Variants in TUBG1 observed in about 807,000 individuals in gnomAD.
TUBG1 encodes the protein tubulin gamma 1, also known as tubulin gamma-1 chain.
TUBG1 carries 22 observed loss-of-function variants against 53.3 expected under a neutral mutation model. The ratio of observed to expected loss-of-function variants is 0.41; its 90% confidence interval spans 0.29 to 0.59. TUBG1 has a LOEUF of 0.59. TUBG1 is among the 20% of genes least tolerant of loss of function. The pLI is 0.26. For missense variants in TUBG1, 217 were observed against 598.9 expected, an observed-to-expected ratio of 0.36 and a Z score of 6.66; for synonymous variants, 198 against 236.7, an observed-to-expected ratio of 0.84 and a Z score of 1.50.
chr17:42,610,084 C>T (rs771155637), intron 1 of TUBG1, 24 bp from the exon 2 acceptor site: 4 of 1,613,656 alleles, frequency 2.5e-6, no homozygotes, highest in African/African-American at 2.7e-5. Flanking sequence ...TCTTCTTTCT[C>T]CCCTGCCCGC....
At chr17:42,610,699 A>T in intron 3 of TUBG1, 109 bp downstream of exon 3, 4 of 1,516,044 alleles carry the variant, frequency 2.6e-6, no homozygotes, top group Non-Finnish European at 3.6e-6. Context: ...TGCTGGAGGG[A>T]GAGACCTGGC....
In TUBG1 at chr17:42,614,464, G is replaced by A; in HGVS notation, c.997-32G>A. 1.2e-6 allele frequency: 2 copies of A among 1,614,120 alleles called. No homozygotes were observed. Among genetic ancestry groups the A allele is most frequent in the Non-Finnish European group, 1.7e-6 (2 of 1,179,974 alleles). ...CCTGGACCTGCAGGGGTAGAGGAGA[G>A]GCCACCTCCACTGCTCCTATGCCCA... On this transcript the variant is annotated intron_variant, in intron 9 of 10. Coordinates refer to ENST00000251413, the MANE Select transcript of TUBG1 (RefSeq NM_001070.5). This position sits in a 1 kb window ranked among gnomAD's most constrained non-coding sequence, Gnocchi z 5.1.
At position 42,615,154 on chromosome 17, in the gene TUBG1, A is replaced by C; in HGVS notation, c.*113A>C. 2 of 970,850 alleles carry C rather than the reference A, an allele frequency of 2.1e-6. No homozygotes were observed. The highest frequency in any genetic ancestry group is 3.1e-6 in the Non-Finnish European group (2 of 643,188). The allele number at this position is 970,850 out of a possible 1,614,324, so 60.1% of individuals were successfully genotyped here. A position where few individuals can be genotyped will look rare whatever the true frequency, so the allele number is the denominator to read the frequency against. Reference sequence around the variant, plus strand: ...CCTCACGCATCTCTTTCTCATATACATGGACTCTCTGTTGGCCTGCAAACA... The same window carrying C: ...CCTCACGCATCTCTTTCTCATATACCTGGACTCTCTGTTGGCCTGCAAACA... On this transcript the variant is annotated 3_prime_UTR_variant, in exon 11 of 11. Coordinates refer to ENST00000251413, the MANE Select transcript of TUBG1 (RefSeq NM_001070.5).
At chr17:42,609,904 A>T in intron 1 of TUBG1, 118 bp downstream of exon 1, 2 of 1,426,160 alleles carry the variant, frequency 1.4e-6, no homozygotes, top group Non-Finnish European at 1.9e-6. Context: ...AAGGCGAGAC[A>T]TCCCTGACCC....
rs911262203 is a variant in TUBG1, at chr17:42,610,496, A to C, written c.236A>C (p.Asn79Thr). The C allele has an allele frequency of 1.4e-5, 22 of 1,613,448 alleles. No homozygotes were observed. Among genetic ancestry groups the C allele is most frequent in the Non-Finnish European group, 1.9e-5 (22 of 1,179,662 alleles). ...LEPRVIHSIL[N>T]SPYAKLYNPE... ...CCCCGGGTGATCCACTCCATCCTCAACTCCCCCTATGCCAAGCTCTACAAC... is the reference window on the plus strand; with the variant it reads ...CCCCGGGTGATCCACTCCATCCTCACCTCCCCCTATGCCAAGCTCTACAAC... The change falls in exon 3 of 11, where the codon AAC becomes ACC. Residue 79 changes from asparagine to threonine, a missense_variant. Physicochemically the swap from Asn to Thr is moderately conservative, Grantham distance 65. This residue lies in a region of TUBG1 where 57 missense variants were observed against 169.3 expected (regional missense o/e 0.34). Coordinates refer to ENST00000251413, the MANE Select transcript of TUBG1 (RefSeq NM_001070.5).
At chr17:42,610,241 G>C in intron 2 of TUBG1, 21 bp downstream of exon 2, 2 of 1,614,110 alleles carry the variant, frequency 1.2e-6, no homozygotes, top group Non-Finnish European at 8.5e-7. Context: ...CGACTTGGCC[G>C]GGGGCGGCAG....
intron 2 of TUBG1, 50 bp from the exon 3 acceptor site, chr17:42,610,373 A>C: frequency 6.6e-7 from 1 of 1,518,018 alleles, no homozygotes; most frequent in Non-Finnish European, 9.0e-7. Flanking sequence ...AGGACTTCGG[A>C]CTTGGGCCGC....
chr17:42,612,201 C>G, intron 4 of TUBG1, 58 bp downstream of exon 4: 1 of 1,565,532 alleles, frequency 6.4e-7, no homozygotes, highest in Non-Finnish European at 8.8e-7. Flanking sequence ...GCAGCACCCT[C>G]TAGAAGCGAC....
At chr17:42,610,292 G>A (rs1412166203) in intron 2 of TUBG1, 72 bp downstream of exon 2, 1 of 1,607,354 alleles carries the variant, frequency 6.2e-7, no homozygotes, top group Non-Finnish European at 8.5e-7. Flanking sequence ...GCCTGGTACT[G>A]GGAACCCCGC....
chr17:42,610,641 C>T, intron 3 of TUBG1, 51 bp downstream of exon 3: 4 of 1,611,800 alleles, frequency 2.5e-6, no homozygotes, highest in Non-Finnish European at 3.4e-6. Context: ...TAGGGACAGG[C>T]TCTATGACGT....
intron 6 of TUBG1, among the ~76,000 whole-genome samples, chr17:42,613,324 CAGAA>C (rs2052050778): frequency 6.6e-6 from 1 of 151,946 alleles, no homozygotes; most frequent in Non-Finnish European, 1.5e-5. Context: ...GTGATATGTG[CAGAA>C]GGATCACTTG....
chr17:42,613,549 A>G (rs1251725559), intron 6 of TUBG1, 98 bp from the exon 7 acceptor site: 2 of 1,576,260 alleles, frequency 1.3e-6, no homozygotes, highest in East Asian at 4.5e-5. Context: ...CTTTCTGGCC[A>G]TGAAGCTCAA....
Position 42,609,739 on chromosome 17 carries a change from TGCC to T in TUBG1, c.4_6del (p.Pro2?). The stretch of plus-strand genomic sequence containing the variant: ...TGCAACGCCGGTGCCTGAGGAGCGA[TGCC>T]GAGGGAAATCATCACCCTACAGTTG... On this transcript the variant is annotated start_lost and inframe_deletion, in exon 1 of 11. Transcript: ENST00000251413. 1.3e-6 allele frequency: 2 copies of T among 1,550,670 alleles called. No homozygotes were observed. Among genetic ancestry groups the T allele is most frequent in the Non-Finnish European group, 8.7e-7 (1 of 1,146,580 alleles).
chr17:42,611,367 CA>C (rs2052032810), intron 3 of TUBG1: 1 of 152,112 alleles, frequency 6.6e-6, no homozygotes, highest in Admixed American at 6.6e-5. Context: ...TAAAAATTCC[CA>C]CTGGAATTTT....
chr17:42,609,863 A>G, intron 1 of TUBG1, 77 bp downstream of exon 1: 1 of 1,505,042 alleles, frequency 6.6e-7, no homozygotes, highest in Non-Finnish European at 8.9e-7. Flanking sequence ...CCTGGACTCC[A>G]TCTGTCCTTG....
Sources: gnomAD v4.1 joint callset for allele counts (sites outside exome capture counted in the v4.1 genomes callset) on GRCh38, gnomAD v4.1.1 for gene constraint, gnomAD v4.1.1 regional missense constraint, Gnocchi (gnomAD v3.1) non-coding constraint, MANE v1.5 for transcripts, NCBI Gene and HGNC (gene_info 2026-07-23, HGNC 2026-07-21) for gene names.